The following HLCS variants were observed in gnomAD, a reference collection of about 807,000 sequenced individuals.
The protein encoded by HLCS is holocarboxylase synthetase, also known as biotin--protein ligase.
Under a neutral mutation model 75.0 loss-of-function variants are expected in HLCS, and 53 were observed. The ratio of observed to expected loss-of-function variants is 0.71; its 90% confidence interval spans 0.57 to 0.89. The LOEUF is 0.89. Ranked by LOEUF, HLCS falls within the 40% of genes least tolerant of loss-of-function variation. HLCS has a pLI of 0.00. For missense variants in HLCS, 966 were observed against 1,074.0 expected (o/e 0.90, Z 1.41); for synonymous variants, 431 against 428.6 (o/e 1.01, Z -0.07).
chr21:36,884,081 A>T (rs1458301990), intron 6 of HLCS, among the ~76,000 whole-genome samples: 1 of 152,216 alleles, frequency 6.6e-6, no homozygotes, highest in African/African-American at 2.4e-5. Flanking sequence ...GTGGATGCTT[A>T]AGGGCGAGGT....
chr21:36,784,611 C>T (rs1014633152), intron 6 of HLCS, among the ~76,000 whole-genome samples: 4 of 152,088 alleles, frequency 2.6e-5, no homozygotes, highest in African/African-American at 4.8e-5. Context: ...CCACCATGCC[C>T]GGCCGGCCAG....
intron 6 of HLCS, among the ~76,000 whole-genome samples, chr21:36,865,601 GTACC>G (rs2063528233): frequency 1.3e-5 from 2 of 152,076 alleles, no homozygotes; most frequent in Non-Finnish European, 2.9e-5. Context: ...TTCAGTCTTT[GTACC>G]GTTTTGTTAT....
At chr21:36,785,464 T>TG (rs2060659213) in intron 6 of HLCS, among the ~76,000 whole-genome samples, 1 of 152,202 alleles carries the variant, frequency 6.6e-6, no homozygotes, top group South Asian at 2.1e-4. Context: ...TCTCTGCCTG[T>TG]GGGGGCTGAC....
chr21:36,985,120 G>A (rs2069202897), intron 1 of HLCS, among the ~76,000 whole-genome samples: 1 of 152,190 alleles, frequency 6.6e-6, no homozygotes, highest in Non-Finnish European at 1.5e-5. Flanking sequence ...ATGATCAGAT[G>A]CAGAAAATTT....
chr21:36,925,524 T>C (rs939674215), intron 5 of HLCS, among the ~76,000 whole-genome samples: 2 of 152,272 alleles, frequency 1.3e-5, no homozygotes, highest in Admixed American at 1.3e-4. Flanking sequence ...GCACGTCCAG[T>C]TCCCCAAGGT....
intron 7 of HLCS, among the ~76,000 whole-genome samples, chr21:36,766,316 C>T (rs2090030917): frequency 6.6e-6 from 1 of 152,122 alleles, no homozygotes; most frequent in Non-Finnish European, 1.5e-5. Flanking sequence ...AGCCACTATG[C>T]CTGGCCTACT....
intron 6 of HLCS, among the ~76,000 whole-genome samples, chr21:36,893,464 T>C (rs1458147370): frequency 2.6e-5 from 4 of 152,210 alleles, no homozygotes; most frequent in South Asian, 2.1e-4. Flanking sequence ...GGTATAATAC[T>C]AGTGTTTGAC....
intron 2 of HLCS, among the ~76,000 whole-genome samples, chr21:36,955,661 G>A (rs1345186086): frequency 6.6e-6 from 1 of 151,854 alleles, no homozygotes; most frequent in Non-Finnish European, 1.5e-5. Flanking sequence ...ATTTATTATC[G>A]AAGAAGAAGG....
At chr21:36,913,210 AC>A (rs780922414) in intron 5 of HLCS, among the ~76,000 whole-genome samples, 40 of 152,276 alleles carry the variant, frequency 2.6e-4, no homozygotes, top group South Asian at 1.0e-3. Context: ...AACCCATGAA[AC>A]CAAATCTGTC....
chr21:36,968,962 T>A (rs893817076), upstream of HLCS, among the ~76,000 whole-genome samples: 1 of 152,206 alleles, frequency 6.6e-6, no homozygotes, highest in East Asian at 1.9e-4. Flanking sequence ...TTTCGAGATA[T>A]GGTCTCAGAA....
In HLCS at chr21:36,769,201, A is replaced by T. The variant is rs145656501; in HGVS notation, c.1893-1916T>A. Reference sequence around the variant, plus strand: ...TTGGCAGCAGTTAACAGGGCATATTAATGAGAAGAGGGAGTCTGTGCTGAA... The same window carrying T: ...TTGGCAGCAGTTAACAGGGCATATTTATGAGAAGAGGGAGTCTGTGCTGAA... On this transcript the variant is annotated intron_variant, in intron 6 of 10. Transcript: ENST00000674895. Among the ~76,000 whole-genome samples, 19 of 152,326 alleles carry T rather than the reference A, an allele frequency of 1.2e-4. No homozygotes were observed. The East Asian group carries it at 3.5e-3, about 28-fold the overall frequency.
At chr21:36,931,006 G>A (rs188256985) in intron 4 of HLCS, among the ~76,000 whole-genome samples, 116 of 152,252 alleles carry the variant, frequency 7.6e-4, no homozygotes, top group African/African-American at 2.0e-3. Context: ...ATCTAGGGCC[G>A]GGAGCGGTGG....
chr21:36,915,904 C>A (rs1012699398), intron 5 of HLCS, among the ~76,000 whole-genome samples: 1 of 151,976 alleles, frequency 6.6e-6, no homozygotes, highest in African/African-American at 2.4e-5. Flanking sequence ...TGGGGGCTCT[C>A]GGTGCACAGG....
At chr21:36,827,714 T>C (rs1391730758) in intron 6 of HLCS, among the ~76,000 whole-genome samples, 1 of 152,052 alleles carries the variant, frequency 6.6e-6, no homozygotes, top group South Asian at 2.1e-4. Context: ...AGTGTGCTCA[T>C]TGAAGAAACC....
At position 36,937,307 on chromosome 21, in the gene HLCS, T is replaced by TC. The variant is rs1472894366; in HGVS notation, c.578_579insG (p.Pro194ThrfsTer4). The TC allele has an allele frequency of 6.8e-6, 11 of 1,613,978 alleles. No homozygotes were observed. The highest frequency in any genetic ancestry group is 1.6e-4 in the Middle Eastern group (1 of 6,084). On this transcript the variant is annotated frameshift_variant, in exon 4 of 11. Transcript: ENST00000674895. LOFTEE classifies it high-confidence loss of function. ...GCTCAGGCTTAATCTCAAGAGAAGGTTCAGGCTTCGGCTCTAGGATCTGGG... is the reference window on the plus strand; with the variant it reads ...GCTCAGGCTTAATCTCAAGAGAAGGTCTCAGGCTTCGGCTCTAGGATCTGGG...
At chr21:36,826,349 G>C (rs3787759) in intron 6 of HLCS, among the ~76,000 whole-genome samples, 53,203 of 151,962 alleles carry the variant, frequency 0.35, 10,080 homozygotes, top group African/African-American at 0.48. Flanking sequence ...GAGATACGTG[G>C]ATCTCCAGAG....
chr21:36,790,144 G>A (rs2060814188), intron 6 of HLCS, among the ~76,000 whole-genome samples: 1 of 152,154 alleles, frequency 6.6e-6, no homozygotes, highest in South Asian at 2.1e-4. Context: ...AGTGGCTCAT[G>A]CCTATAATCC....
intron 6 of HLCS, among the ~76,000 whole-genome samples, chr21:36,859,212 G>A (rs1054457078): frequency 1.3e-5 from 2 of 152,182 alleles, no homozygotes; most frequent in African/African-American, 2.4e-5. Context: ...TAGTAGAGAC[G>A]GGGTTTCACC....
In HLCS at chr21:36,838,056, T is replaced by C. The variant is rs956446494; in HGVS notation, c.1892+58804A>G. 5.3e-5 allele frequency among the ~76,000 whole-genome samples: 8 copies of C among 152,034 alleles called. No individual in the cohort carries two copies. The East Asian group carries it at 1.5e-3, about 29-fold the overall frequency. On this transcript the variant is annotated intron_variant, in intron 6 of 10. Coordinates refer to ENST00000674895, the MANE Select transcript of HLCS (RefSeq NM_001352514.2). ...TAAGCCGGATAATATTTAGAAACTA[T>C]TTTTTTTAGGTCATTTCATCCCATT...
Sources: allele counts gnomAD v4.1 joint callset (sites outside exome capture counted in the v4.1 genomes callset), GRCh38; gene constraint gnomAD v4.1.1; transcripts MANE v1.5; gene names NCBI Gene and HGNC (gene_info 2026-07-23, HGNC 2026-07-21).